CELF5: variants seen among roughly 807,000 people sequenced by gnomAD.
The protein encoded by CELF5 is CUGBP Elav-like family member 5, also known as CUG-BP and ETR-3 like factor 5.
A neutral mutation model predicts 54.9 loss-of-function variants in CELF5; 6 were observed. The ratio of observed to expected loss-of-function variants is 0.11; its 90% confidence interval spans 0.06 to 0.22. CELF5 has a LOEUF of 0.22. Ranked by LOEUF, CELF5 falls within the 10% of genes least tolerant of loss-of-function variation. CELF5 has a pLI of 1.00. For synonymous variants in CELF5, 271 were observed against 290.9 expected (o/e 0.93, Z 0.70); for missense variants, 401 against 678.6 (o/e 0.59, Z 4.54).
At chr19:3,274,987 A>G (rs1341362046) in intron 3 of CELF5, among the ~76,000 whole-genome samples, 2 of 150,382 alleles carry the variant, frequency 1.3e-5, no homozygotes, top group African/African-American at 4.9e-5. Flanking sequence ...TCTGTCTCTC[A>G]CAGTCTCTTT....
rs932878284 is a variant in CELF5 at position 3,226,055 on chromosome 19, G to T, written c.259+1057G>T. Among the ~76,000 whole-genome samples, 7 of 152,062 alleles carry T rather than the reference G, an allele frequency of 4.6e-5. 1 individual carries two copies. In the East Asian group the frequency reaches 1.2e-3, roughly 25 times the overall value. On this transcript the variant is annotated intron_variant, in intron 1 of 12. Transcript: ENST00000292672. ...TGGGCCCAGCGTCTGAATTGGGGTG[G>T]CTTTGACAGCCTTCCGGTCAGGTGT...
chr19:3,251,911 G>T (rs1284231932), intron 2 of CELF5, among the ~76,000 whole-genome samples: 6 of 152,068 alleles, frequency 3.9e-5, no homozygotes, highest in Admixed American at 3.9e-4. Flanking sequence ...TTGACCTCAA[G>T]TGATCTGCAC....
intron 10 of CELF5, among the ~76,000 whole-genome samples, chr19:3,288,004 T>C (rs2080282229): frequency 6.6e-6 from 1 of 152,108 alleles, no homozygotes; most frequent in African/African-American, 2.4e-5. Flanking sequence ...ATCAGACAGA[T>C]AGCATGACCC....
chr19:3,246,391 C>G (rs990419083), intron 1 of CELF5, among the ~76,000 whole-genome samples: 7 of 150,152 alleles, frequency 4.7e-5, no homozygotes, highest in African/African-American at 1.7e-4. Context: ...GGCTCTCTCT[C>G]TCTCTCATAT....
At chr19:3,267,299 G>A (rs577221826) in intron 2 of CELF5, among the ~76,000 whole-genome samples, 2 of 152,168 alleles carry the variant, frequency 1.3e-5, no homozygotes, top group Admixed American at 1.3e-4. Context: ...CCCCGTTTCC[G>A]GTTCCCGCAC....
intron 2 of CELF5, among the ~76,000 whole-genome samples, chr19:3,267,106 T>C (rs531946726): frequency 5.0e-4 from 76 of 151,434 alleles, no homozygotes; most frequent in Admixed American, 1.4e-3. Flanking sequence ...TGTGTGTGTG[T>C]GCGTGTGCGT....
chr19:3,273,826 AC>A (rs746722488), intron 2 of CELF5, 45 bp from the exon 3 acceptor site: 2 of 1,199,156 alleles, frequency 1.7e-6, no homozygotes, highest in Admixed American at 1.7e-5. Flanking sequence ...CGCCTGCCAC[AC>A]CCCCACTGCT....
chr19:3,238,753 G>A (rs1439898130), intron 1 of CELF5, among the ~76,000 whole-genome samples: 2 of 152,056 alleles, frequency 1.3e-5, no homozygotes, highest in African/African-American at 2.4e-5. Flanking sequence ...CCAACATGAC[G>A]AAACCCTGTC....
At chr19:3,245,358 C>CTGTG (rs892356674) in intron 1 of CELF5, among the ~76,000 whole-genome samples, 1 of 132,748 alleles carries the variant, frequency 7.5e-6, no homozygotes, top group Non-Finnish European at 1.6e-5. Flanking sequence ...GTGCATGCAT[C>CTGTG]TGTGTGTGTG....
intron 1 of CELF5, among the ~76,000 whole-genome samples, chr19:3,250,715 G>A (rs1009169068): frequency 2.0e-5 from 3 of 152,122 alleles, no homozygotes; most frequent in Non-Finnish European, 2.9e-5. Flanking sequence ...TCCTAGGAGT[G>A]GAATCACACA....
chr19:3,258,973 C>T (rs2079770108), intron 2 of CELF5, among the ~76,000 whole-genome samples: 1 of 152,100 alleles, frequency 6.6e-6, no homozygotes, highest in Non-Finnish European at 1.5e-5. Context: ...GAACCAATGA[C>T]CAAATGTCAG....
At chr19:3,267,317 A>C (rs771575271) in intron 2 of CELF5, among the ~76,000 whole-genome samples, 3 of 152,050 alleles carry the variant, frequency 2.0e-5, no homozygotes, top group Non-Finnish European at 2.9e-5. Flanking sequence ...CACAAGTGTG[A>C]CAGCAGTGTC....
rs2080388609 is a variant in CELF5 at position 3,293,626 on chromosome 19, G to A, written c.*40+140G>A. 20 of 715,370 alleles carry A rather than the reference G, an allele frequency of 2.8e-5. No individual in the cohort carries two copies. The South Asian group carries it at 3.8e-4, about 14-fold the overall frequency. The allele number at this position is 715,370 out of a possible 1,614,324, so 44.3% of individuals were successfully genotyped here. A position where few individuals can be genotyped will look rare whatever the true frequency, so the allele number is the denominator to read the frequency against. ...CTACAAGAAACCTCCGGGTTGGGTT[G>A]GCGGGGACAGAGCTGGATGTAGACA... On this transcript the variant is annotated intron_variant, in intron 12 of 12. Coordinates refer to ENST00000292672, the MANE Select transcript of CELF5 (RefSeq NM_021938.4).
At chr19:3,293,135 G>A (rs2080378539) in intron 11 of CELF5, among the ~76,000 whole-genome samples, 184 bp from the exon 12 acceptor site, 1 of 152,092 alleles carries the variant, frequency 6.6e-6, no homozygotes, top group Non-Finnish European at 1.5e-5. Context: ...AGGTATACAA[G>A]TCCAGAGGTG....
intron 2 of CELF5, among the ~76,000 whole-genome samples, chr19:3,270,286 A>G (rs1404516262): frequency 6.6e-6 from 1 of 152,180 alleles, no homozygotes; most frequent in East Asian, 1.9e-4. Flanking sequence ...AATACTGCTG[A>G]AGAAACGGAG....
intron 9 of CELF5, 77 bp downstream of exon 9, chr19:3,285,041 G>A (rs2080215241): frequency 6.9e-6 from 8 of 1,153,356 alleles, no homozygotes; most frequent in African/African-American, 3.3e-5. Context: ...GGCCCGCCCC[G>A]GACGTGTCGT....
intron 8 of CELF5, among the ~76,000 whole-genome samples, chr19:3,283,448 T>G (rs1415722211): frequency 1.3e-5 from 2 of 152,026 alleles, no homozygotes; most frequent in African/African-American, 2.4e-5. Flanking sequence ...TCTCTGGGGC[T>G]TAAGCAATCC....
In CELF5 at chr19:3,278,068, G is replaced by T. The variant is rs763682108; in HGVS notation, c.561G>T (p.Ala187=). The change falls in exon 5 of 13, where the codon GCG becomes GCT. Residue 187 remains alanine, a synonymous_variant. Transcript: ENST00000292672. This position sits in a 1 kb window ranked among gnomAD's most constrained non-coding sequence, Gnocchi z 4.5. The part of the protein sequence containing the change: ...AFVKFSSHTE[A]QAAIHALHGS... ...TGAAGTTCTCCTCCCACACGGAGGCGCAGGCGGCCATCCACGCCTTGCATG... is the reference window on the plus strand; with the variant it reads ...TGAAGTTCTCCTCCCACACGGAGGCTCAGGCGGCCATCCACGCCTTGCATG... The T allele has an allele frequency of 7.4e-6, 12 of 1,613,228 alleles. 1 individual carries two copies. In the Admixed American group the frequency reaches 1.5e-4, roughly 20 times the overall value.
At chr19:3,258,785 A>G (rs761180724) in intron 2 of CELF5, among the ~76,000 whole-genome samples, 6 of 149,494 alleles carry the variant, frequency 4.0e-5, no homozygotes, top group Non-Finnish European at 7.4e-5. Flanking sequence ...CTAGTTTTTT[A>G]TTTTTTGCAG....
Sources: gnomAD v4.1 joint callset for allele counts (sites outside exome capture counted in the v4.1 genomes callset) on GRCh38, gnomAD v4.1.1 for gene constraint, Gnocchi (gnomAD v3.1) non-coding constraint, MANE v1.5 for transcripts, NCBI Gene and HGNC (gene_info 2026-07-23, HGNC 2026-07-21) for gene names.